ZBED6: variants seen among roughly 807,000 people sequenced by gnomAD.
The protein encoded by ZBED6 is zinc finger BED domain-containing protein 6.
ZBED6 carries 40 observed loss-of-function variants against 58.4 expected under a neutral mutation model. The observed-to-expected ratio is 0.68, with a 90% CI of 0.53 to 0.89. The LOEUF is 0.89. Ranked by LOEUF, ZBED6 falls within the 40% of genes least tolerant of loss-of-function variation. The pLI, the probability that ZBED6 is intolerant of heterozygous loss-of-function variation, is 0.00. For synonymous variants in ZBED6, 439 were observed against 350.6 expected, an observed-to-expected ratio of 1.25 and a Z score of -2.82; for missense variants, 1,057 against 1,003.9, an observed-to-expected ratio of 1.05 and a Z score of -0.71.
Position 203,820,772 on chromosome 1 carries a change from C to T in ZBED6, c.*2873+2083C>T, listed in dbSNP as rs190733230. Among the ~76,000 whole-genome samples, 111 of 152,084 alleles carry T rather than the reference C, an allele frequency of 7.3e-4. 1 individual carries two copies. The highest frequency in any genetic ancestry group is 1.4e-3 in the Admixed American group (22 of 15,250). The stretch of plus-strand genomic sequence containing the variant: ...TGAGATTACAGGTGTGAGCCACGCC[C>T]GGCGAATGGTATTTTTGTTGCATAT... On this transcript the variant is annotated intron_variant, in intron 3 of 16. Coordinates refer to ENST00000550078, the Ensembl canonical transcript of ZBED6.
chr1:203,852,778 G>A lies in ZBED6; in HGVS notation c.*5511G>A, dbSNP rs941122630. On this transcript the variant is annotated 3_prime_UTR_variant, in exon 17 of 17. Coordinates refer to ENST00000550078, the Ensembl canonical transcript of ZBED6. ...TGTATTCTTTATGTATTGTCTTGAT[G>A]TACTTAATATTACCTGAGTTTGAAA... is the stretch of plus-strand genomic sequence containing the variant. 3.7e-5 allele frequency: 8 copies of A among 217,314 alleles called. No homozygotes were observed. In the Admixed American group the frequency reaches 3.7e-4, roughly 10 times the overall value. 13.5% of individuals were successfully genotyped at this position (217,314 alleles called of 1,614,324 possible).
At chr1:203,798,208 G>A (rs1669283524) in exon 1 of ZBED6, 1 of 1,536,118 alleles carries the variant, frequency 6.5e-7, no homozygotes, top group Non-Finnish European at 8.7e-7. Context: ...AATAGAATGG[G>A]CAAGAAGCAT....
chr1:203,799,805 C>T, exon 1 of ZBED6: 1 of 1,346,922 alleles, frequency 7.4e-7, no homozygotes, highest in Non-Finnish European at 1.0e-6. Flanking sequence ...TGCTTAAATC[C>T]AAGCCCTGTA....
At chr1:203,806,832 T>TTTG (rs1346858103) in intron 1 of ZBED6, among the ~76,000 whole-genome samples, 2 of 149,790 alleles carry the variant, frequency 1.3e-5, no homozygotes. Context: ...TCAGGTTCCT[T>TTTG]TTTTTTTTTT....
chr1:203,846,017 C>T (rs1410560030), intron 11 of ZBED6, among the ~76,000 whole-genome samples: 3 of 150,340 alleles, frequency 2.0e-5, no homozygotes, highest in Non-Finnish European at 4.4e-5. Flanking sequence ...TGGCTCACAC[C>T]TGTAATCCCA....
chr1:203,820,676 C>T (rs965565256), intron 3 of ZBED6, among the ~76,000 whole-genome samples: 5 of 151,868 alleles, frequency 3.3e-5, no homozygotes, highest in African/African-American at 4.8e-5. Context: ...CACGAGGTTT[C>T]GCGATGTTGG....
chr1:203,850,948 A>C, intron 15 of ZBED6, 109 bp from the exon 16 acceptor site: 1 of 1,323,316 alleles, frequency 7.6e-7, no homozygotes, highest in Non-Finnish European at 1.1e-6. Flanking sequence ...TTAGATTCAC[A>C]GGCTTAAAGA....
intron 1 of ZBED6, among the ~76,000 whole-genome samples, chr1:203,815,202 C>CTTCCT (rs1277843005): frequency 1.4e-5 from 1 of 73,574 alleles, no homozygotes; most frequent in African/African-American, 5.3e-5. Context: ...TCATTATTTT[C>CTTCCT]TTCCTTTTCT....
chr1:203,798,945 G>T, exon 1 of ZBED6: 1 of 1,536,062 alleles, frequency 6.5e-7, no homozygotes, highest in African/African-American at 1.4e-5. Flanking sequence ...TTTAGAGAAT[G>T]TTCAAAGCCA....
intron 2 of ZBED6, 44 bp downstream of exon 2, chr1:203,817,168 T>A: frequency 6.6e-7 from 1 of 1,509,766 alleles, no homozygotes; most frequent in Non-Finnish European, 9.0e-7. Flanking sequence ...ACAATTTGCT[T>A]AATAGAATTG....
intron 3 of ZBED6, among the ~76,000 whole-genome samples, chr1:203,821,994 T>C (rs1678919086): frequency 2.0e-5 from 3 of 152,140 alleles, no homozygotes; most frequent in Admixed American, 2.0e-4. Flanking sequence ...GCTGACCTCG[T>C]GATCCGCCCG....
intron 3 of ZBED6, among the ~76,000 whole-genome samples, chr1:203,824,004 CAT>C (rs1414903719): frequency 6.6e-6 from 1 of 152,178 alleles, no homozygotes; most frequent in Non-Finnish European, 1.5e-5. Context: ...CGCCGTGGCT[CAT>C]GCCTGTAATC....
At chr1:203,810,166 T>C (rs1673884549) in intron 1 of ZBED6, among the ~76,000 whole-genome samples, 2 of 151,800 alleles carry the variant, frequency 1.3e-5, no homozygotes, top group Admixed American at 1.3e-4. Flanking sequence ...TTTTAAGAGA[T>C]GAGGTCTGTC....
chr1:203,799,504 A>G, exon 1 of ZBED6: 1 of 703,062 alleles, frequency 1.4e-6, no homozygotes, highest in Non-Finnish European at 2.6e-6. Context: ...CTCTTGGAGC[A>G]TTGCTACTCA....
intron 11 of ZBED6, among the ~76,000 whole-genome samples, chr1:203,840,695 A>C (rs951536623): frequency 2.6e-5 from 4 of 151,866 alleles, no homozygotes; most frequent in African/African-American, 9.6e-5. Context: ...GTTAAATGGC[A>C]AGGTCTCAGC....
At chr1:203,836,097 A>G (rs1329486030) in intron 9 of ZBED6, among the ~76,000 whole-genome samples, 1 of 152,170 alleles carries the variant, frequency 6.6e-6, no homozygotes, top group Non-Finnish European at 1.5e-5. Flanking sequence ...AAAAAATAAT[A>G]CTAAGCCAGG....
intron 3 of ZBED6, among the ~76,000 whole-genome samples, chr1:203,820,487 T>TGTGTGTGTGTG (rs1553263519): frequency 1.3e-5 from 2 of 152,162 alleles, no homozygotes; most frequent in African/African-American, 4.8e-5. Context: ...TGTGTGTATA[T>TGTGTGTGTGTG]TTTGAGTTGA....
exon 1 of ZBED6, chr1:203,798,882 A>G (rs1444409386): frequency 6.5e-7 from 1 of 1,536,062 alleles, no homozygotes. Flanking sequence ...TTACTTTTTC[A>G]CTAAGGCTGT....
In ZBED6 at chr1:203,843,420, C is replaced by CAT. The variant is rs1687023401; in HGVS notation, c.*3741+3049_*3741+3050dup. Among the ~76,000 whole-genome samples, 6 of 152,328 alleles carry CAT rather than the reference C, an allele frequency of 3.9e-5. No individual in the cohort carries two copies. In the South Asian group the frequency reaches 1.2e-3, roughly 32 times the overall value. ...TTAGATAGATGTTGGAACTTTGGGA[C>CAT]ATATGCCTGCATGTCTCTGTATACT... On this transcript the variant is annotated intron_variant, in intron 11 of 16. Transcript: ENST00000550078.
Sources: allele counts gnomAD v4.1 joint callset (sites outside exome capture counted in the v4.1 genomes callset), GRCh38; gene constraint gnomAD v4.1.1; transcripts MANE v1.5; gene names NCBI Gene and HGNC (gene_info 2026-07-23, HGNC 2026-07-21).